LRTM1: variants seen among roughly 807,000 people sequenced by gnomAD.
The protein encoded by LRTM1 is leucine-rich repeat and transmembrane domain-containing protein 1.
Under a neutral mutation model 32.4 loss-of-function variants are expected in LRTM1, and 38 were observed. The observed-to-expected ratio is 1.17, with a 90% CI of 0.91 to 1.54. The LOEUF is 1.54. LRTM1 is among the 40% of genes most tolerant of loss of function. The pLI is 0.00. For synonymous variants in LRTM1, 186 were observed against 169.9 expected, an observed-to-expected ratio of 1.09 and a Z score of -0.74; for missense variants, 466 against 415.4, an observed-to-expected ratio of 1.12 and a Z score of -1.06.
chr3:54,954,297 C>T (rs567156059), intron 1 of LRTM1, among the ~76,000 whole-genome samples: 3 of 152,180 alleles, frequency 2.0e-5, no homozygotes, highest in African/African-American at 7.2e-5. Flanking sequence ...TGCGGGAGCA[C>T]GAACACTTCC....
At chr3:54,947,386 A>G (rs1168447650) in intron 1 of LRTM1, among the ~76,000 whole-genome samples, 1 of 152,186 alleles carries the variant, frequency 6.6e-6, no homozygotes, top group Non-Finnish European at 1.5e-5. Context: ...TCTGGTTAGG[A>G]CTTGCTGAGC....
At chr3:54,965,025 C>A (rs556653780) in intron 1 of LRTM1, among the ~76,000 whole-genome samples, 2 of 152,182 alleles carry the variant, frequency 1.3e-5, no homozygotes, top group African/African-American at 4.8e-5. Flanking sequence ...TACTAAAGAC[C>A]TTCAATGGCA....
chr3:54,944,513 C>G (rs967671288), intron 1 of LRTM1, among the ~76,000 whole-genome samples: 2 of 152,036 alleles, frequency 1.3e-5, no homozygotes, highest in South Asian at 2.1e-4. Flanking sequence ...CTCTGCCTCC[C>G]GGGTTCACGC....
intron 1 of LRTM1, among the ~76,000 whole-genome samples, chr3:54,949,715 G>T (rs1701707794): frequency 6.6e-6 from 1 of 152,160 alleles, no homozygotes; most frequent in Non-Finnish European, 1.5e-5. Context: ...GAAAAATTCA[G>T]AACTGGTTTT....
Position 54,918,646 on chromosome 3 carries a change from T to C in LRTM1, c.851A>G (p.His284Arg). 1 of 1,614,180 alleles carries C rather than the reference T, an allele frequency of 6.2e-7. No homozygotes were observed. The highest frequency in any genetic ancestry group is 8.5e-7 in the Non-Finnish European group (1 of 1,180,032). Reference sequence around the variant, plus strand: ...AGTGATGATGACAGTGGCAATGGCATGACGCAGGTTGGCCGGCCTTGGCTT... The same window carrying C: ...AGTGATGATGACAGTGGCAATGGCACGACGCAGGTTGGCCGGCCTTGGCTT... ...KPKPRPANLRHAIATVIITGV... is the reference protein window; with the variant it reads ...KPKPRPANLRRAIATVIITGV... The change falls in exon 3 of 3, where the codon CAT becomes CGT. Residue 284 changes from histidine to arginine, a missense_variant. By Grantham distance (29) the His-to-Arg change is conservative. Coordinates refer to ENST00000273286, the MANE Select transcript of LRTM1 (RefSeq NM_020678.4).
chr3:54,927,678 A>G (rs1336136269), intron 1 of LRTM1, among the ~76,000 whole-genome samples: 1 of 152,192 alleles, frequency 6.6e-6, no homozygotes, highest in African/African-American at 2.4e-5. Flanking sequence ...GGCCCGTGAC[A>G]TGCCAACTAC....
rs149078175 is a variant in LRTM1 at position 54,926,039 on chromosome 3, C to T, written c.8-824G>A. 2.8e-3 allele frequency among the ~76,000 whole-genome samples: 424 copies of T among 152,106 alleles called. 1 individual carries two copies. Among genetic ancestry groups the T allele is most frequent in the African/African-American group, 9.8e-3 (408 of 41,530 alleles). On this transcript the variant is annotated intron_variant, in intron 1 of 2. Transcript: ENST00000273286. The stretch of plus-strand genomic sequence containing the variant: ...GTACTTCCTTGATTCTTTTTTCTTT[C>T]AACTCAGAAGAGCAATGCATTACTT...
chr3:54,924,938 A>T lies in LRTM1; in HGVS notation c.285T>A (p.His95Gln). The change falls in exon 2 of 3, where the codon CAT (histidine) becomes CAA (glutamine). Residue 95 changes from histidine (H) to glutamine (Q), a missense_variant. Transcript: ENST00000273286. Reference protein sequence around the residue: ...SLSNLAPGAFHGLQHLQVLNL... With the variant: ...SLSNLAPGAFQGLQHLQVLNL... ...TTAAAACCTGCAAGTGCTGAAGCCC[A>T]TGGAAAGCTCCAGGGGCCAGATTTG... is the stretch of plus-strand genomic sequence containing the variant. The T allele has an allele frequency of 6.2e-7, 1 of 1,612,114 alleles. No individual in the cohort carries two copies. The highest frequency in any genetic ancestry group is 2.2e-5 in the East Asian group (1 of 44,822).
intron 2 of LRTM1, among the ~76,000 whole-genome samples, chr3:54,919,972 G>A (rs771336171): frequency 6.6e-6 from 1 of 152,072 alleles, no homozygotes; most frequent in Non-Finnish European, 1.5e-5. Context: ...GATGGCCCTC[G>A]GCACTGTCTG....
intron 1 of LRTM1, among the ~76,000 whole-genome samples, chr3:54,944,218 A>G (rs1701550646): frequency 6.6e-6 from 1 of 152,134 alleles, no homozygotes; most frequent in South Asian, 2.1e-4. Flanking sequence ...CATTGTGCTG[A>G]GGACCTGCGA....
At chr3:54,958,866 G>T (rs1261988476) in intron 1 of LRTM1, among the ~76,000 whole-genome samples, 3 of 152,136 alleles carry the variant, frequency 2.0e-5, no homozygotes, top group Admixed American at 6.5e-5. Flanking sequence ...CACTTTGGGA[G>T]GCCAAGGCAG....
chr3:54,953,394 C>T (rs1043498920), intron 1 of LRTM1, among the ~76,000 whole-genome samples: 12 of 152,114 alleles, frequency 7.9e-5, no homozygotes, highest in Admixed American at 2.0e-4. Context: ...GGTAACACTA[C>T]GGCTTCTTAC....
At chr3:54,962,396 C>T (rs1702051366) in intron 1 of LRTM1, among the ~76,000 whole-genome samples, 2 of 152,164 alleles carry the variant, frequency 1.3e-5, no homozygotes, top group African/African-American at 4.8e-5. Context: ...TTTCTGCTCA[C>T]TCTCAACATA....
chr3:54,961,114 T>C (rs920604297), intron 1 of LRTM1, among the ~76,000 whole-genome samples: 1 of 152,240 alleles, frequency 6.6e-6, no homozygotes, highest in African/African-American at 2.4e-5. Flanking sequence ...GTAATGGCTA[T>C]TACAGTTGAC....
chr3:54,926,505 TACACACACACACACACAC>T (rs36205023), intron 1 of LRTM1, among the ~76,000 whole-genome samples: 108 of 143,408 alleles, frequency 7.5e-4, no homozygotes, highest in East Asian at 1.7e-3. Flanking sequence ...GCCTGTCAAA[TACACACACACACACACAC>T]ACACACACAC....
At chr3:54,919,192 C>A (rs546962807) in intron 2 of LRTM1, among the ~76,000 whole-genome samples, 1 of 152,210 alleles carries the variant, frequency 6.6e-6, no homozygotes, top group Non-Finnish European at 1.5e-5. Flanking sequence ...GACAAGAAGG[C>A]ACGCTGGGGG....
chr3:54,950,819 T>C (rs1187011407), intron 1 of LRTM1, among the ~76,000 whole-genome samples: 1 of 152,008 alleles, frequency 6.6e-6, no homozygotes, highest in East Asian at 1.9e-4. Context: ...AGAGGAAGCA[T>C]GGTGACATGT....
intron 2 of LRTM1, among the ~76,000 whole-genome samples, chr3:54,922,296 C>T (rs1700874465): frequency 6.6e-6 from 1 of 151,142 alleles, no homozygotes; most frequent in South Asian, 2.1e-4. Context: ...TCCCAGGTTG[C>T]TTCCAGTGCC....
chr3:54,946,034 T>C (rs184023553), intron 1 of LRTM1, among the ~76,000 whole-genome samples: 1 of 152,328 alleles, frequency 6.6e-6, no homozygotes, highest in African/African-American at 2.4e-5. Flanking sequence ...CCCTGCCTCA[T>C]TATCACATTT....
Sources: allele counts gnomAD v4.1 joint callset (sites outside exome capture counted in the v4.1 genomes callset), GRCh38; gene constraint gnomAD v4.1.1; transcripts MANE v1.5; gene names NCBI Gene and HGNC (gene_info 2026-07-23, HGNC 2026-07-21).